Variants in PAF1 observed in about 807,000 individuals in gnomAD.
The protein encoded by PAF1 is PAF1 component of Paf1/RNA polymerase II complex, also known as RNA polymerase II-associated factor 1 homolog.
In PAF1, 31 loss-of-function variants were observed where a neutral mutation model predicts 68.4. That is an observed-to-expected ratio of 0.45 (90% confidence interval 0.34 to 0.61). PAF1 has a LOEUF of 0.61. Ranked by LOEUF, PAF1 falls within the 20% of genes least tolerant of loss-of-function variation. The pLI is 0.01. For synonymous variants in PAF1, 256 were observed against 240.5 expected (o/e 1.06, Z -0.60); for missense variants, 435 against 692.9 (o/e 0.63, Z 4.18).
chr19:39,386,016 C>CGAA lies in PAF1; in HGVS notation c.1570_1571insTTC (p.Ser524delinsIleArg). On this transcript the variant is annotated protein_altering_variant, in exon 14 of 14. Transcript: ENST00000221265. This position sits in a 1 kb window ranked among gnomAD's most constrained non-coding sequence, Gnocchi z 6.1. ...TCAGTCACTGTCACTATCAGCTTCA[C>CGAA]TGGAATCAGAAGCTGCAGCTTCACT... 1 of 1,613,612 alleles carries CGAA rather than the reference C, an allele frequency of 6.2e-7. No homozygotes were observed. The highest frequency in any genetic ancestry group is 8.5e-7 in the Non-Finnish European group (1 of 1,179,800).
At position 39,386,852 on chromosome 19, in the gene PAF1, C is replaced by G; in HGVS notation, c.987-53G>C. ...AGTGGAAGATGCAGTTAAAGACACA[C>G]CTCCCACTTCCCCGCCCCCCAGTGA... On this transcript the variant is annotated intron_variant, in intron 11 of 13. Coordinates refer to ENST00000221265, the MANE Select transcript of PAF1 (RefSeq NM_019088.4). The surrounding 1 kb of genome is among the most constrained non-coding windows in gnomAD (Gnocchi z 6.1). 1 of 1,206,474 alleles carries G rather than the reference C, an allele frequency of 8.3e-7. No individual in the cohort carries two copies. Among genetic ancestry groups the G allele is most frequent in the Non-Finnish European group, 1.2e-6 (1 of 809,596 alleles). 74.7% of individuals were successfully genotyped at this position (1,206,474 alleles called of 1,614,324 possible).
At position 39,390,005 on chromosome 19, in the gene PAF1, A is replaced by G. The variant is rs191971405; in HGVS notation, c.170+64T>C. The G allele has an allele frequency of 5.6e-5, 75 of 1,344,814 alleles. 1 individual carries two copies. The East Asian group carries it at 1.6e-3, about 29-fold the overall frequency. The allele number at this position is 1,344,814 out of a possible 1,614,324, so 83.3% of individuals were successfully genotyped here. On this transcript the variant is annotated intron_variant, in intron 3 of 13. Coordinates refer to ENST00000221265, the MANE Select transcript of PAF1 (RefSeq NM_019088.4). ...GGCCCTGAGCAGACAGCAGCCAACGAGACAAGCAGTCCCTGCCTTCAAGGA... is the reference window on the plus strand; with the variant it reads ...GGCCCTGAGCAGACAGCAGCCAACGGGACAAGCAGTCCCTGCCTTCAAGGA...
In PAF1 at chr19:39,385,715, G is replaced by T. The variant is rs1462964508; in HGVS notation, c.*276C>A. On this transcript the variant is annotated 3_prime_UTR_variant, in exon 14 of 14. Transcript: ENST00000221265. ...AAAAAAACGAATTCTGACCTTCGTTGTGCTACATTTTGTGGGAAACCATTG... is the reference window on the plus strand; with the variant it reads ...AAAAAAACGAATTCTGACCTTCGTTTTGCTACATTTTGTGGGAAACCATTG... 1 of 536,870 alleles carries T rather than the reference G, an allele frequency of 1.9e-6. No individual in the cohort carries two copies. Among genetic ancestry groups the T allele is most frequent in the Admixed American group, 3.6e-5 (1 of 27,990 alleles). The allele number at this position is 536,870 out of a possible 1,614,324, so 33.3% of individuals were successfully genotyped here. A position where few individuals can be genotyped will look rare whatever the true frequency, so the allele number is the denominator to read the frequency against.
In PAF1 at chr19:39,386,113, G is replaced by A. The variant is rs780021152; in HGVS notation, c.1474C>T (p.Arg492Trp). 1.3e-5 allele frequency: 21 copies of A among 1,613,946 alleles called. 1 individual carries two copies. Among genetic ancestry groups the A allele is most frequent in the Middle Eastern group, 3.3e-4 (2 of 6,062 alleles). ...GCGCTGCGGCTGTGGCTCCGGCTCC[G>A]CTGGCCACCCCCATTGCTGCCGCTG... is the stretch of plus-strand genomic sequence containing the variant. ...SDSGSNGGGQ[R>W]SRSHSRSASP... Residue 492 changes from arginine (R) to tryptophan (W), a missense_variant, in exon 14 of 14, where the codon CGG becomes TGG. By Grantham distance (101) the Arg-to-Trp change is moderately radical. Around this residue, in one of 7 missense-constraint regions of PAF1, gnomAD observed 83 missense variants for 99.9 expected, o/e 0.83. Transcript: ENST00000221265. The surrounding 1 kb of genome is among the most constrained non-coding windows in gnomAD (Gnocchi z 6.1).
chr19:39,388,560 A>G lies in PAF1; in HGVS notation c.857T>C (p.Val286Ala). The G allele has an allele frequency of 6.2e-7, 1 of 1,612,820 alleles. No homozygotes were observed. Among genetic ancestry groups the G allele is most frequent in the Non-Finnish European group, 8.5e-7 (1 of 1,178,834 alleles). ...CAAAACTTAACCGCAACCCACGCAC[A>G]CATCATCTGGTGCATAGTCCATCTC... The part of the protein sequence containing the change: ...EEEMDYAPDD[V>A]YDYKIAREYN... Residue 286 changes from valine (V) to alanine (A), a missense_variant and splice_region_variant, in exon 10 of 14, where the codon GTG becomes GCG. By Grantham distance (64) the Val-to-Ala change is moderately conservative. This residue lies in a region of PAF1 where 151 missense variants were observed against 306.3 expected (regional missense o/e 0.49). Coordinates refer to ENST00000221265, the MANE Select transcript of PAF1 (RefSeq NM_019088.4).
At chr19:39,387,017 T>G in intron 11 of PAF1, 1 of 605,518 alleles carries the variant, frequency 1.7e-6, no homozygotes, top group Admixed American at 2.7e-5. Flanking sequence ...TTGGTTGCCC[T>G]ACACTGTGTG....
Position 39,391,041 on chromosome 19 carries a change from T to C in PAF1, c.-177A>G. On this transcript the variant is annotated 5_prime_UTR_variant, in exon 1 of 14. Coordinates refer to ENST00000221265, the MANE Select transcript of PAF1 (RefSeq NM_019088.4). Reference sequence around the variant, plus strand: ...GAGAAGAGCTCCAGCGAGACTCAGGTGAACGCGCAGGCAGCACCGGGGACG... The same window carrying C: ...GAGAAGAGCTCCAGCGAGACTCAGGCGAACGCGCAGGCAGCACCGGGGACG... The C allele has an allele frequency of 1.5e-6, 1 of 656,478 alleles. No homozygotes were observed. The highest frequency in any genetic ancestry group is 1.9e-5 in the South Asian group (1 of 51,840). The allele number at this position is 656,478 out of a possible 1,614,324, so 40.7% of individuals were successfully genotyped here.
chr19:39,388,897 G>A, intron 8 of PAF1, 32 bp from the exon 9 acceptor site: 1 of 1,611,312 alleles, frequency 6.2e-7, no homozygotes, highest in African/African-American at 1.3e-5. Flanking sequence ...GGTTAGATGG[G>A]AACAGGCACA....
At chr19:39,387,086 T>C in intron 11 of PAF1, 1 of 519,884 alleles carries the variant, frequency 1.9e-6, no homozygotes, top group South Asian at 2.0e-5. Flanking sequence ...CAGGGACACA[T>C]TCTGAGATAT....
intron 3 of PAF1, 24 bp downstream of exon 3, chr19:39,390,045 A>C: frequency 6.4e-7 from 1 of 1,570,932 alleles, no homozygotes; most frequent in Non-Finnish European, 8.8e-7. Context: ...ATACCTGAGT[A>C]GTTTTCCCAT....
In PAF1 at chr19:39,391,005, G is replaced by C; in HGVS notation, c.-141C>G. The C allele has an allele frequency of 1.2e-6, 1 of 820,688 alleles. No individual in the cohort carries two copies. The highest frequency in any genetic ancestry group is 1.9e-6 in the Non-Finnish European group (1 of 528,788). The allele number at this position is 820,688 out of a possible 1,614,324, so 50.8% of individuals were successfully genotyped here. ...CCCCGCGGAAAGTGGGTTGAGATGA[G>C]GTGGGCGGGCGAGAAGAGCTCCAGC... On this transcript the variant is annotated 5_prime_UTR_variant, in exon 1 of 14. Coordinates refer to ENST00000221265, the MANE Select transcript of PAF1 (RefSeq NM_019088.4).
At chr19:39,387,296 C>A (rs138432417) in intron 11 of PAF1, 7 of 310,854 alleles carry the variant, frequency 2.3e-5, no homozygotes, top group African/African-American at 1.3e-4. Context: ...AGTAAAGATA[C>A]GGTATTCTAT....
At position 39,386,516 on chromosome 19, in the gene PAF1, C is replaced by CTCCTCT. The variant is rs779986893; in HGVS notation, c.1143_1148dup (p.Glu382_Glu383dup). ...CAGCTTCTTTCTCTTCTGTCTCCAT[C>CTCCTCT]TCCTCTTCCTCTTCCTCCTCCGGTT... On this transcript the variant is annotated inframe_insertion, in exon 13 of 14. Coordinates refer to ENST00000221265, the MANE Select transcript of PAF1 (RefSeq NM_019088.4). The surrounding 1 kb of genome is among the most constrained non-coding windows in gnomAD (Gnocchi z 6.1). 3 of 1,614,234 alleles carry CTCCTCT rather than the reference C, an allele frequency of 1.9e-6. No homozygotes were observed. The highest frequency in any genetic ancestry group is 1.3e-5 in the African/African-American group (1 of 75,054).
At position 39,388,504 on chromosome 19, in the gene PAF1, C is replaced by T. The variant is rs2067102; in HGVS notation, c.858-37G>A. The stretch of plus-strand genomic sequence containing the variant: ...GGCACAGGTTCAGCCCCATTTCTTC[C>T]CTATCCCAATCCCCAAAACTTCCCA... On this transcript the variant is annotated intron_variant, in intron 10 of 13. Transcript: ENST00000221265. 20,503 of 1,614,034 alleles carry T rather than the reference C, an allele frequency of 0.013. 612 individuals are homozygous for T. Among genetic ancestry groups the T allele is most frequent in the African/African-American group, 0.096 (7,218 of 75,006 alleles).
In PAF1 at chr19:39,388,326, G is replaced by C. The variant is rs2078298874; in HGVS notation, c.986+13C>G. 1.2e-6 allele frequency: 2 copies of C among 1,613,894 alleles called. No homozygotes were observed. The highest frequency in any genetic ancestry group is 1.7e-6 in the Non-Finnish European group (2 of 1,179,780). ...ACAGATCCAGGCTAATCAGATAGGA[G>C]TGTGCTGAGTACCTGGTTTCCAACT... On this transcript the variant is annotated intron_variant, in intron 11 of 13. Transcript: ENST00000221265.
In PAF1 at chr19:39,390,924, G is replaced by A; in HGVS notation, c.-60C>T. ...AGCGGGACCGAAGGGGGACGCAGAG[G>A]GGCGTGCCGACTTCAGGGGACGCCT... On this transcript the variant is annotated 5_prime_UTR_variant, in exon 1 of 14. Transcript: ENST00000221265. 1.3e-6 allele frequency: 2 copies of A among 1,512,470 alleles called. No homozygotes were observed. Among genetic ancestry groups the A allele is most frequent in the Non-Finnish European group, 1.8e-6 (2 of 1,114,696 alleles). The allele number at this position is 1,512,470 out of a possible 1,614,324, so 93.7% of individuals were successfully genotyped here.
Position 39,390,829 on chromosome 19 carries a change from C to G in PAF1, c.36G>C (p.Glu12Asp). Residue 12 changes from glutamate to aspartate, a missense_variant, in exon 1 of 14, where the codon GAG becomes GAC. Transcript: ENST00000221265. The part of the protein sequence containing the change: ...APTIQTQAQR[E>D]DGHRPNSHRT... ...AGCGTGGCGCCTACCTGTGGCCATC[C>G]TCCCGCTGGGCCTGGGTCTGGATGG... The G allele has an allele frequency of 6.3e-7, 1 of 1,586,324 alleles. No individual in the cohort carries two copies. Among genetic ancestry groups the G allele is most frequent in the Non-Finnish European group, 8.6e-7 (1 of 1,166,074 alleles).
In PAF1 at chr19:39,389,068, C is replaced by T; in HGVS notation, c.567+25G>A. The T allele has an allele frequency of 6.2e-7, 1 of 1,612,178 alleles. No homozygotes were observed. On this transcript the variant is annotated intron_variant, in intron 7 of 13. Transcript: ENST00000221265. The surrounding 1 kb of genome is among the most constrained non-coding windows in gnomAD (Gnocchi z 5.3). Reference sequence around the variant, plus strand: ...GAGCTCTGCAGCCGCACCCTTGCCTCTCCCCATCCCAGTCCCTCAATTACT... The same window carrying T: ...GAGCTCTGCAGCCGCACCCTTGCCTTTCCCCATCCCAGTCCCTCAATTACT...
Position 39,388,788 on chromosome 19 carries a change from C to T in PAF1, c.714G>A (p.Leu238=), listed in dbSNP as rs1382042023. 3.7e-6 allele frequency: 6 copies of T among 1,614,002 alleles called. No individual in the cohort carries two copies. The highest frequency in any genetic ancestry group is 2.5e-6 in the Non-Finnish European group (3 of 1,179,978). The change falls in exon 9 of 14, where the codon TTG becomes TTA. Residue 238 remains leucine, a synonymous_variant. Coordinates refer to ENST00000221265, the MANE Select transcript of PAF1 (RefSeq NM_019088.4). ...APKDTSGAAA[L]EMMSQAMIRG... The stretch of plus-strand genomic sequence containing the variant: ...TAATCATGGCCTGAGACATCATCTC[C>T]AACGCAGCTGCACCACTCGTGTCCT...
Sources: gnomAD v4.1 joint callset for allele counts on GRCh38, gnomAD v4.1.1 for gene constraint, gnomAD v4.1.1 regional missense constraint, Gnocchi (gnomAD v3.1) non-coding constraint, MANE v1.5 for transcripts, NCBI Gene and HGNC (gene_info 2026-07-23, HGNC 2026-07-21) for gene names.